The following RTN4 variants were observed in gnomAD, a reference collection of about 807,000 sequenced individuals.
RTN4 encodes the protein reticulon 4, also known as reticulon-4.
RTN4 carries 32 observed loss-of-function variants against 90.4 expected under a neutral mutation model. That is an observed-to-expected ratio of 0.35 (90% CI 0.27 to 0.48). RTN4 has a LOEUF of 0.48. RTN4 is among the 20% of genes least tolerant of loss of function. The pLI is 0.99. For synonymous variants in RTN4, 629 were observed against 552.5 expected (o/e 1.14, Z -1.94); for missense variants, 1,706 against 1,430.2 (o/e 1.19, Z -3.11).
At chr2:54,990,531 T>G (rs1019248733) in intron 3 of RTN4, among the ~76,000 whole-genome samples, 5 of 152,204 alleles carry the variant, frequency 3.3e-5, no homozygotes, top group African/African-American at 1.2e-4. Context: ...GTGCTATTTG[T>G]TGCTGTTATT....
chr2:55,093,989 A>C (rs746751202), intron 1 of RTN4, among the ~76,000 whole-genome samples: 2 of 152,224 alleles, frequency 1.3e-5, no homozygotes, highest in African/African-American at 2.4e-5. Context: ...TCTTACGATC[A>C]CTAATATCCT....
chr2:55,119,532 T>C, the RTN4 span, among the ~76,000 whole-genome samples: 8 of 152,148 alleles, frequency 5.3e-5, no homozygotes, highest in African/African-American at 1.4e-4. Flanking sequence ...AAAAGCCTTA[T>C]AGTAGAAGTA....
At chr2:55,051,609 C>G (rs1030159431), upstream of RTN4, among the ~76,000 whole-genome samples, 1 of 152,172 alleles carries the variant, frequency 6.6e-6, no homozygotes. Flanking sequence ...AGAGGATAAC[C>G]TGCTTTCAAG....
intron 2 of RTN4, among the ~76,000 whole-genome samples, chr2:55,073,352 T>C (rs1024251611): frequency 4.6e-5 from 7 of 152,218 alleles, no homozygotes; most frequent in African/African-American, 1.7e-4. Context: ...CAATAGTGTC[T>C]ACAAATAGCT....
chr2:55,095,392 A>G (rs1669013525), intron 1 of RTN4, among the ~76,000 whole-genome samples: 1 of 152,114 alleles, frequency 6.6e-6, no homozygotes, highest in African/African-American at 2.4e-5. Context: ...ATCTACCTTC[A>G]ATTAATTTTT....
At position 55,025,225 on chromosome 2, in the gene RTN4, C is replaced by T; in HGVS notation, c.2874G>A (p.Leu958=). 1.2e-6 allele frequency: 2 copies of T among 1,613,746 alleles called. No individual in the cohort carries two copies. Among genetic ancestry groups the T allele is most frequent in the Non-Finnish European group, 1.7e-6 (2 of 1,179,796 alleles). ...VLLLPPDVSA[L]ATQAEIESIV... is the part of the protein sequence containing the mutation. Reference sequence around the variant, plus strand: ...TGCTCTCTATCTCTGCTTGAGTGGCCAAAGCAGAAACATCTGGAGGCAATA... The same window carrying T: ...TGCTCTCTATCTCTGCTTGAGTGGCTAAAGCAGAAACATCTGGAGGCAATA... The change falls in exon 3 of 9, where the codon TTG becomes TTA. Residue 958 remains leucine, a synonymous_variant. Coordinates refer to ENST00000337526, the MANE Select transcript of RTN4 (RefSeq NM_020532.5).
intron 3 of RTN4, among the ~76,000 whole-genome samples, chr2:55,015,885 G>A (rs946597008): frequency 6.6e-6 from 1 of 152,154 alleles, no homozygotes; most frequent in East Asian, 1.9e-4. Context: ...GTAGAGAAAT[G>A]GGTGTTTTCT....
chr2:54,974,753 C>A lies in RTN4; in HGVS notation c.3372G>T (p.Leu1124Phe). The A allele has an allele frequency of 6.2e-7, 1 of 1,613,500 alleles. No individual in the cohort carries two copies. Among genetic ancestry groups the A allele is most frequent in the East Asian group, 2.2e-5 (1 of 44,878 alleles). The change falls in exon 6 of 9, where the codon TTG becomes TTT. Residue 1124 changes from leucine to phenylalanine, a missense_variant. By Grantham distance (22) the Leu-to-Phe change is conservative. Transcript: ENST00000337526. ...CACCAACATAGGTAAATACCCACAT[C>A]AACACTGCAAACTATAAGAAAATAA... The part of the protein sequence containing the change: ...DLVDSLKFAV[L>F]MWVFTYVGAL...
the RTN4 span, among the ~76,000 whole-genome samples, chr2:55,135,161 A>T: frequency 6.6e-6 from 1 of 152,120 alleles, no homozygotes; most frequent in African/African-American, 2.4e-5. Context: ...TAATAGTTTT[A>T]AAATCTCACT....
At chr2:55,010,078 C>A (rs1173384760) in intron 3 of RTN4, 1 of 1,612,786 alleles carries the variant, frequency 6.2e-7, no homozygotes, top group African/African-American at 1.3e-5. Context: ...AATTAAAAAG[C>A]AGATATACCC....
At chr2:55,097,301 C>CAAA (rs5831338) in intron 1 of RTN4, among the ~76,000 whole-genome samples, 10,132 of 108,666 alleles carry the variant, frequency 0.093, 487 homozygotes, top group East Asian at 0.22. Context: ...AATTCTGTCT[C>CAAA]AAAAAAAAAA....
At chr2:55,070,998 A>G (rs924738084) in intron 2 of RTN4, among the ~76,000 whole-genome samples, 28 of 150,702 alleles carry the variant, frequency 1.9e-4, no homozygotes, top group African/African-American at 5.9e-4. Context: ...GGATGGTCTC[A>G]ATCTCCTGAC....
chr2:55,108,719 C>T (rs998463123), intron 1 of RTN4, among the ~76,000 whole-genome samples: 1 of 152,030 alleles, frequency 6.6e-6, no homozygotes, highest in African/African-American at 2.4e-5. Context: ...TTTAGGTTGG[C>T]ACAAAAGTAA....
rs544007967 is a variant in RTN4, at chr2:55,059,440, A to G, written c.-63+21049T>C. On this transcript the variant is annotated intron_variant, in intron 2 of 3. Coordinates refer to the RTN4 transcript ENST00000427710. ...GCGATCACGGCTCACTGTAGCCTCA[A>G]CACCCCAGGCTCAAGCCATCCTCCC... Among the ~76,000 whole-genome samples, 4 of 152,126 alleles carry G rather than the reference A, an allele frequency of 2.6e-5. No homozygotes were observed. The South Asian group carries it at 6.2e-4, about 24-fold the overall frequency.
chr2:54,976,754 G>T (rs993576763), intron 5 of RTN4, among the ~76,000 whole-genome samples: 1 of 152,138 alleles, frequency 6.6e-6, no homozygotes, highest in African/African-American at 2.4e-5. Context: ...TTGTAACATG[G>T]CAGGAATAAG....
At chr2:55,127,616 CA>C in the RTN4 span, among the ~76,000 whole-genome samples, 1 of 152,222 alleles carries the variant, frequency 6.6e-6, no homozygotes, top group African/African-American at 2.4e-5. Flanking sequence ...ATACCCCACA[CA>C]AGCTGGGGTA....
At chr2:55,017,234 G>C (rs1375116694) in intron 3 of RTN4, among the ~76,000 whole-genome samples, 2 of 151,700 alleles carry the variant, frequency 1.3e-5, no homozygotes, top group African/African-American at 4.8e-5. Flanking sequence ...TCAACTCTTA[G>C]TATCTACAGT....
chr2:55,028,969 C>T (rs534382778), intron 1 of RTN4, among the ~76,000 whole-genome samples: 4 of 152,254 alleles, frequency 2.6e-5, no homozygotes, highest in Non-Finnish European at 5.9e-5. Flanking sequence ...CTTATATTTC[C>T]TACAAAACTC....
chr2:55,032,782 C>T (rs776868244), intron 1 of RTN4, among the ~76,000 whole-genome samples: 4 of 152,056 alleles, frequency 2.6e-5, no homozygotes, highest in Non-Finnish European at 4.4e-5. Flanking sequence ...AACCCCAACA[C>T]TTTAGGAGGC....
Sources: allele counts gnomAD v4.1 joint callset (sites outside exome capture counted in the v4.1 genomes callset), GRCh38; gene constraint gnomAD v4.1.1; transcripts MANE v1.5; gene names NCBI Gene and HGNC (gene_info 2026-07-23, HGNC 2026-07-21).